JAK1: variants seen among roughly 807,000 people sequenced by gnomAD.
JAK1 encodes Janus kinase 1, also known as tyrosine-protein kinase JAK1.
A neutral mutation model predicts 136.6 loss-of-function variants in JAK1; 16 were observed. The observed-to-expected ratio is 0.12, with a 90% CI of 0.08 to 0.18. The LOEUF (loss-of-function observed/expected upper bound fraction) is 0.18, where lower values mean the gene tolerates loss of function less well. Ranked by LOEUF, JAK1 falls within the 10% of genes least tolerant of loss-of-function variation. The pLI is 1.00. For missense variants in JAK1, 859 were observed against 1,450.1 expected, an observed-to-expected ratio of 0.59 and a Z score of 6.62; for synonymous variants, 492 against 519.5, an observed-to-expected ratio of 0.95 and a Z score of 0.72.
intron 12 of JAK1, among the ~76,000 whole-genome samples, chr1:64,849,638 C>G (rs1368994100): frequency 6.6e-6 from 1 of 152,250 alleles, no homozygotes; most frequent in Non-Finnish European, 1.5e-5. Context: ...TCAAAATAGA[C>G]AGGAGCCTGC....
Position 65,049,168 on chromosome 1 carries a change from T to A in JAK1, c.-180-4586A>T, listed in dbSNP as rs539021695. Among the ~76,000 whole-genome samples, 5 of 152,280 alleles carry A rather than the reference T, an allele frequency of 3.3e-5. No individual in the cohort carries two copies. In the South Asian group the frequency reaches 1.0e-3, roughly 32 times the overall value. ...CTGGCATGGTGGCTCATGCCTGTAATCCCAGTACTTTGGGAGGCTGAGGCG... is the reference window on the plus strand; with the variant it reads ...CTGGCATGGTGGCTCATGCCTGTAAACCCAGTACTTTGGGAGGCTGAGGCG... On this transcript the variant is annotated intron_variant, in intron 1 of 25. Transcript: ENST00000671954.
At chr1:65,067,535 C>T (rs1648125167) in intron 1 of JAK1, 1 of 145,850 alleles carries the variant, frequency 6.9e-6, no homozygotes, top group South Asian at 1.8e-4. Context: ...CCACGCAGCC[C>T]GCCTCCCGCG....
intron 11 of JAK1, among the ~76,000 whole-genome samples, chr1:64,853,540 G>A (rs1655731811): frequency 6.6e-6 from 1 of 151,902 alleles, no homozygotes; most frequent in Non-Finnish European, 1.5e-5. Context: ...CTGGCAAACT[G>A]TAAGCCCTGC....
intron 2 of JAK1, among the ~76,000 whole-genome samples, chr1:65,004,860 G>C (rs1646791204): frequency 6.6e-6 from 1 of 152,138 alleles, no homozygotes; most frequent in Admixed American, 6.5e-5. Flanking sequence ...TTCTGAAATG[G>C]AGACAATTCT....
At chr1:65,006,458 A>G (rs1646804721) in intron 2 of JAK1, among the ~76,000 whole-genome samples, 1 of 152,154 alleles carries the variant, frequency 6.6e-6, no homozygotes, top group African/African-American at 2.4e-5. Flanking sequence ...CCTGGGTTCA[A>G]GGGATCGTCC....
intron 2 of JAK1, among the ~76,000 whole-genome samples, chr1:65,034,065 A>G (rs1448095000): frequency 2.0e-5 from 3 of 152,254 alleles, no homozygotes; most frequent in Non-Finnish European, 4.4e-5. Flanking sequence ...GCCTTAGAGA[A>G]TAAGTAGGAT....
rs746058311 is a variant in JAK1, at chr1:64,844,158, A to G, written c.2309T>C (p.Leu770Pro). The change falls in exon 17 of 25, where the codon CTG becomes CCG. Residue 770 changes from leucine to proline, a missense_variant. Around this residue, in one of 4 missense-constraint regions of JAK1, gnomAD observed 409 missense variants for 753.8 expected, o/e 0.54. Transcript: ENST00000342505. The surrounding 1 kb of genome is among the most constrained non-coding windows in gnomAD (Gnocchi z 5.7). The part of the protein sequence containing the change: ...APECVEDSKN[L>P]SVAADKWSFG... ...GCTCCACTTGTCAGCAGCCACACTCAGGTTCTTGGAGTCCTCAACACACTC... is the reference window on the plus strand; with the variant it reads ...GCTCCACTTGTCAGCAGCCACACTCGGGTTCTTGGAGTCCTCAACACACTC... 1 of 1,614,110 alleles carries G rather than the reference A, an allele frequency of 6.2e-7. No homozygotes were observed. The highest frequency in any genetic ancestry group is 8.5e-7 in the Non-Finnish European group (1 of 1,180,044).
At chr1:64,845,671 C>T (rs1467472259) in intron 14 of JAK1, 31 bp from the exon 15 acceptor site, 1 of 1,614,056 alleles carries the variant, frequency 6.2e-7, no homozygotes, top group Non-Finnish European at 8.5e-7. Context: ...ATGTCTGGAA[C>T]CTGGTCTGTG....
intron 8 of JAK1, 79 bp downstream of exon 8, chr1:64,864,708 C>A: frequency 2.6e-6 from 3 of 1,145,600 alleles, no homozygotes; most frequent in Non-Finnish European, 3.8e-6. Context: ...CTCTGAAAAT[C>A]ATGTGCTGCA....
intron 1 of JAK1, among the ~76,000 whole-genome samples, chr1:65,054,261 C>T (rs1289136753): frequency 6.6e-6 from 1 of 152,100 alleles, no homozygotes; most frequent in Non-Finnish European, 1.5e-5. Flanking sequence ...CTGTAGAATG[C>T]TCCTTTAATG....
At chr1:64,953,849 A>G (rs967685558) in intron 1 of JAK1, among the ~76,000 whole-genome samples, 23 of 151,790 alleles carry the variant, frequency 1.5e-4, no homozygotes, top group Non-Finnish European at 1.8e-4. Context: ...TTTTTTTCGT[A>G]TTTTTAGAAG....
At chr1:64,878,209 C>T (rs1644704904) in intron 4 of JAK1, among the ~76,000 whole-genome samples, 1 of 152,210 alleles carries the variant, frequency 6.6e-6, no homozygotes, top group South Asian at 2.1e-4. Context: ...CACTGCTAAA[C>T]ACACATTAAC....
chr1:64,950,565 T>C (rs1266413145), intron 1 of JAK1, among the ~76,000 whole-genome samples: 1 of 152,346 alleles, frequency 6.6e-6, no homozygotes, highest in Admixed American at 6.5e-5. Context: ...AGTTCAGTGC[T>C]AGCCATCCGG....
chr1:64,998,589 T>C (rs545760427), intron 2 of JAK1, among the ~76,000 whole-genome samples: 2 of 152,268 alleles, frequency 1.3e-5, no homozygotes, highest in Admixed American at 1.3e-4. Context: ...GTTGATATGG[T>C]TTGGCTGTGT....
At chr1:64,946,390 C>A (rs1345251570) in intron 1 of JAK1, among the ~76,000 whole-genome samples, 1 of 152,214 alleles carries the variant, frequency 6.6e-6, no homozygotes, top group Non-Finnish European at 1.5e-5. Flanking sequence ...GCTGGCAAGG[C>A]TTTAGGTAAC....
In JAK1 at chr1:64,879,054, C is replaced by G. The variant is rs2101215683; in HGVS notation, c.300G>C (p.Lys100Asn). Residue 100 changes from lysine (K) to asparagine (N), a missense_variant, in exon 4 of 25, where the codon AAG becomes AAC. Lys to Asn is a moderately conservative substitution (Grantham distance 94). Transcript: ENST00000342505. ...TCCGGTAGTGGAGCCGGAGGGACAT[C>G]TTGTCATCAACGGTGATGGTGCGAT... ...APNRTITVDDKMSLRLHYRMR... is the reference protein window; with the variant it reads ...APNRTITVDDNMSLRLHYRMR... 1 of 1,614,024 alleles carries G rather than the reference C, an allele frequency of 6.2e-7. No individual in the cohort carries two copies. The highest frequency in any genetic ancestry group is 8.5e-7 in the Non-Finnish European group (1 of 1,179,976).
chr1:64,924,423 G>C (rs1017243138), intron 1 of JAK1, among the ~76,000 whole-genome samples: 1 of 152,144 alleles, frequency 6.6e-6, no homozygotes, highest in African/African-American at 2.4e-5. Flanking sequence ...GACTATTGCT[G>C]TGCACATTAT....
intron 24 of JAK1, 43 bp from the exon 25 acceptor site, chr1:64,834,700 G>T: frequency 7.9e-7 from 1 of 1,262,876 alleles, no homozygotes; most frequent in African/African-American, 1.5e-5. Flanking sequence ...TGTTAGATCT[G>T]GGAACTTTAA....
chr1:64,857,489 T>C (rs34139949), intron 10 of JAK1, among the ~76,000 whole-genome samples, 167 bp downstream of exon 10: 482 of 152,300 alleles, frequency 3.2e-3, no homozygotes, highest in Non-Finnish European at 4.9e-3. Context: ...AGCAGTCTCC[T>C]TTTGAGAGCA....
Sources: allele counts gnomAD v4.1 joint callset (sites outside exome capture counted in the v4.1 genomes callset), GRCh38; gene constraint gnomAD v4.1.1; regional missense constraint gnomAD v4.1.1; non-coding constraint Gnocchi (gnomAD v3.1); transcripts MANE v1.5; gene names NCBI Gene and HGNC (gene_info 2026-07-23, HGNC 2026-07-21).